Variants in CALCOCO1 observed in about 807,000 individuals in gnomAD.
The protein encoded by CALCOCO1 is calcium binding and coiled-coil domain 1.
CALCOCO1 carries 44 observed loss-of-function variants against 86.3 expected under a neutral mutation model. The ratio of observed to expected loss-of-function variants is 0.51; its 90% CI spans 0.40 to 0.66. The LOEUF is 0.66. Among genes scored for constraint, CALCOCO1 ranks in the 30% least tolerant of loss-of-function variants. The probability of loss-of-function intolerance (pLI) is 0.00; values close to 1 mark genes in which losing one functional copy is unlikely to be tolerated. For synonymous variants in CALCOCO1, 297 were observed against 327.6 expected, an observed-to-expected ratio of 0.91 and a Z score of 1.01; for missense variants, 708 against 851.1, an observed-to-expected ratio of 0.83 and a Z score of 2.09.
chr12:53,724,791 C>T (rs1945979719), intron 2 of CALCOCO1, 44 bp from the exon 3 acceptor site: 1 of 1,481,498 alleles, frequency 6.7e-7, no homozygotes, highest in Non-Finnish European at 9.3e-7. Context: ...CATGGAACTA[C>T]CTTCTATGGA....
In CALCOCO1 at chr12:53,714,590, G is replaced by A. The variant is rs1487133482; in HGVS notation, c.1482+8C>T. On this transcript the variant is annotated splice_region_variant and intron_variant, in intron 11 of 14. Coordinates refer to ENST00000550804, the MANE Select transcript of CALCOCO1 (RefSeq NM_020898.3). The stretch of plus-strand genomic sequence containing the variant: ...GGCATCCACGGGGCCTGGGTTATGG[G>A]TGCTCACCTGTTTCTCCTCCTGTAA... The A allele has an allele frequency of 6.2e-7, 1 of 1,610,896 alleles. No homozygotes were observed. Among genetic ancestry groups the A allele is most frequent in the Admixed American group, 1.7e-5 (1 of 60,024 alleles).
rs1593072660 is a variant in CALCOCO1, at chr12:53,711,577, C to G, written c.*367G>C. 3.4e-6 allele frequency: 1 copy of G among 290,748 alleles called. No homozygotes were observed. The highest frequency in any genetic ancestry group is 5.8e-5 in the East Asian group (1 of 17,170). 18.0% of individuals were successfully genotyped at this position (290,748 alleles called of 1,614,324 possible). ...CAGGAATTGGCTTTGGGGCATCAGA[C>G]AAGGGAGTGTGAGTGTGAGTGTGTG... On this transcript the variant is annotated 3_prime_UTR_variant, in exon 15 of 15. Coordinates refer to ENST00000550804, the MANE Select transcript of CALCOCO1 (RefSeq NM_020898.3).
In CALCOCO1 at chr12:53,719,790, C is replaced by G. The variant is rs998472670; in HGVS notation, c.798G>C (p.Glu266Asp). The change falls in exon 7 of 15, where the codon GAG becomes GAC. Residue 266 changes from glutamate (E) to aspartate (D), a missense_variant. Physicochemically the swap from Glu to Asp is conservative, Grantham distance 45 (BLOSUM62 2). Coordinates refer to ENST00000550804, the MANE Select transcript of CALCOCO1 (RefSeq NM_020898.3). ...CTTCTTTCAGTTGCCCAAGGAGCTT[C>G]TCTTGTTCCCGAGTCAGGGCCTTCA... ...DTVKALTREQ[E>D]KLLGQLKEVQ... is the part of the protein sequence containing the mutation. 3 of 1,613,836 alleles carry G rather than the reference C, an allele frequency of 1.9e-6. No individual in the cohort carries two copies. The highest frequency in any genetic ancestry group is 2.7e-5 in the African/African-American group (2 of 74,900).
rs1161990732 is a variant in CALCOCO1, at chr12:53,709,092, T to A, written c.*2852A>T. On this transcript the variant is annotated 3_prime_UTR_variant, in exon 15 of 15. Coordinates refer to ENST00000550804, the MANE Select transcript of CALCOCO1 (RefSeq NM_020898.3). ...TTTCACCACCAAATACTGACGCGAGTTCCTATTTGCTGCTACTTGGCTGAC... is the reference window on the plus strand; with the variant it reads ...TTTCACCACCAAATACTGACGCGAGATCCTATTTGCTGCTACTTGGCTGAC... 6.6e-6 allele frequency: 1 copy of A among 152,174 alleles called. No individual in the cohort carries two copies. Among genetic ancestry groups the A allele is most frequent in the African/African-American group, 2.4e-5 (1 of 41,430 alleles). 9.4% of individuals were successfully genotyped at this position (152,174 alleles called of 1,614,324 possible).
chr12:53,718,840 CTTTTTTT>C (rs35114054), intron 7 of CALCOCO1, among the ~76,000 whole-genome samples: 3 of 75,636 alleles, frequency 4.0e-5, no homozygotes, highest in African/African-American at 5.6e-5. Context: ...ATGGCCCTCC[CTTTTTTT>C]TTTTTTTTTT....
intron 1 of CALCOCO1, chr12:53,726,184 T>C (rs1593099272): frequency 6.6e-6 from 1 of 151,642 alleles, no homozygotes; most frequent in East Asian, 1.9e-4. Flanking sequence ...GGGAGATAGT[T>C]CAAAAAGAAC....
At position 53,721,541 on chromosome 12, in the gene CALCOCO1, T is replaced by C; in HGVS notation, c.684A>G (p.Ala228=). 1.2e-6 allele frequency: 2 copies of C among 1,613,846 alleles called. No individual in the cohort carries two copies. The highest frequency in any genetic ancestry group is 1.7e-6 in the Non-Finnish European group (2 of 1,179,874). The part of the protein sequence containing the change: ...ILSRQQGDHV[A]RILELEDDIQ... The stretch of plus-strand genomic sequence containing the variant: ...TGTCATCCTCTAGCTCCAGGATGCG[T>C]GCCACATGGTCTCCCTGTTGCCGGC... Residue 228 remains alanine, a synonymous_variant, in exon 6 of 15, where the codon GCA becomes GCG. Transcript: ENST00000550804.
chr12:53,715,502 G>A (rs542358538), intron 9 of CALCOCO1, among the ~76,000 whole-genome samples, 177 bp from the exon 10 acceptor site: 4 of 152,174 alleles, frequency 2.6e-5, no homozygotes, highest in South Asian at 2.1e-4. Context: ...AGGACATGAC[G>A]GCAGGTGCTG....
At chr12:53,719,953 C>T (rs1945824825) in intron 6 of CALCOCO1, 124 bp from the exon 7 acceptor site, 6 of 573,610 alleles carry the variant, frequency 1.0e-5, no homozygotes, top group Non-Finnish European at 1.9e-5. Context: ...CTCTGGGATG[C>T]ATAAATCCCC....
In CALCOCO1 at chr12:53,711,868, T is replaced by A. The variant is rs959358862; in HGVS notation, c.*76A>T. On this transcript the variant is annotated 3_prime_UTR_variant, in exon 15 of 15. Transcript: ENST00000550804. ...AGCCCAGTGTGATAGAAAATGGGCA[T>A]GAAACCTAAGTGTATGCATGTGTGT... 3.8e-6 allele frequency: 5 copies of A among 1,306,438 alleles called. No individual in the cohort carries two copies. Among genetic ancestry groups the A allele is most frequent in the Admixed American group, 3.1e-5 (1 of 31,822 alleles). The allele number at this position is 1,306,438 out of a possible 1,614,324, so 80.9% of individuals were successfully genotyped here. A position where few individuals can be genotyped will look rare whatever the true frequency, so the allele number is the denominator to read the frequency against.
In CALCOCO1 at chr12:53,712,064, T is replaced by C; in HGVS notation, c.1956A>G (p.Thr652=). The C allele has an allele frequency of 4.3e-6, 7 of 1,612,128 alleles. No individual in the cohort carries two copies. The highest frequency in any genetic ancestry group is 5.9e-6 in the Non-Finnish European group (7 of 1,179,136). Residue 652 remains threonine (T), a synonymous_variant, in exon 15 of 15, where the codon ACA becomes ACG. Coordinates refer to ENST00000550804, the MANE Select transcript of CALCOCO1 (RefSeq NM_020898.3). ...CCTTACAGATAGGACACTCCTTCCATGTGGGGGTGGCAGGGCCCCCAGTGC... is the reference window on the plus strand; with the variant it reads ...CCTTACAGATAGGACACTCCTTCCACGTGGGGGTGGCAGGGCCCCCAGTGC... ...ETSTGGPATP[T]WKECPICKER...
intron 10 of CALCOCO1, among the ~76,000 whole-genome samples, 192 bp downstream of exon 10, chr12:53,715,008 C>T (rs1353801974): frequency 6.6e-6 from 1 of 152,142 alleles, no homozygotes; most frequent in African/African-American, 2.4e-5. Context: ...CTCTACTGGG[C>T]CCAGATGTGT....
chr12:53,715,626 C>G lies in CALCOCO1; in HGVS notation c.1260+167G>C, dbSNP rs904616904. ...TGGGATACCCCGGTTAGGGATGGGT[C>G]ATGCCTAGAAAGTAAAGTGTACCTC... is the stretch of plus-strand genomic sequence containing the variant. On this transcript the variant is annotated intron_variant, in intron 9 of 14. Transcript: ENST00000550804. 3 of 912,370 alleles carry G rather than the reference C, an allele frequency of 3.3e-6. No individual in the cohort carries two copies. In the African/African-American group the frequency reaches 5.0e-5, roughly 15 times the overall value. The allele number at this position is 912,370 out of a possible 1,614,324, so 56.5% of individuals were successfully genotyped here.
chr12:53,716,369 T>C lies in CALCOCO1; in HGVS notation c.896A>G (p.Asp299Gly). The change falls in exon 8 of 15, where the codon GAC (aspartate) becomes GGC (glycine). Residue 299 changes from aspartate to glycine, a missense_variant. Coordinates refer to ENST00000550804, the MANE Select transcript of CALCOCO1 (RefSeq NM_020898.3). The part of the protein sequence containing the change: ...AQQENHHLNL[D>G]LKEAKSWQEE... Reference sequence around the variant, plus strand: ...TTGCCAGCTCTTCGCCTCCTTCAGGTCCAAATTTAAGTGATGGTTCTCCTG... The same window carrying C: ...TTGCCAGCTCTTCGCCTCCTTCAGGCCCAAATTTAAGTGATGGTTCTCCTG... 6.2e-7 allele frequency: 1 copy of C among 1,614,108 alleles called. No individual in the cohort carries two copies. Among genetic ancestry groups the C allele is most frequent in the South Asian group, 1.1e-5 (1 of 91,076 alleles).
In CALCOCO1 at chr12:53,709,428, A is replaced by G. The variant is rs181103525; in HGVS notation, c.*2516T>C. 1 of 152,392 alleles carries G rather than the reference A, an allele frequency of 6.6e-6. No individual in the cohort carries two copies. Among genetic ancestry groups the G allele is most frequent in the East Asian group, 1.9e-4 (1 of 5,164 alleles). 9.4% of individuals were successfully genotyped at this position (152,392 alleles called of 1,614,324 possible). On this transcript the variant is annotated 3_prime_UTR_variant, in exon 15 of 15. Transcript: ENST00000550804. Reference sequence around the variant, plus strand: ...TGGCCCCACATTTTGTGGCACCCCCAGTCTGAAACTGCAAATTGCATGCCA... The same window carrying G: ...TGGCCCCACATTTTGTGGCACCCCCGGTCTGAAACTGCAAATTGCATGCCA...
Position 53,725,255 on chromosome 12 carries a change from A to G in CALCOCO1, c.-13T>C. On this transcript the variant is annotated 5_prime_UTR_variant, in exon 2 of 15. Transcript: ENST00000550804. ...GTGATTCTTCCATCCTGGCCTTGAG[A>G]TATCTGTCCTCCTATGAAAGAAAGG... is the stretch of plus-strand genomic sequence containing the variant. 1 of 1,571,720 alleles carries G rather than the reference A, an allele frequency of 6.4e-7. No individual in the cohort carries two copies. Among genetic ancestry groups the G allele is most frequent in the Non-Finnish European group, 8.6e-7 (1 of 1,160,236 alleles).
In CALCOCO1 at chr12:53,722,017, G is replaced by T; in HGVS notation, c.609+8C>A. The T allele has an allele frequency of 1.2e-6, 2 of 1,612,218 alleles. No individual in the cohort carries two copies. The highest frequency in any genetic ancestry group is 2.2e-5 in the East Asian group (1 of 44,880). ...CAGGCCCTGTCCCCTACCTGGCCCA[G>T]CTCCCACCTTGTACTGTTCCATCAG... On this transcript the variant is annotated splice_region_variant and intron_variant, in intron 5 of 14. Transcript: ENST00000550804.
At chr12:53,714,561 C>G in intron 11 of CALCOCO1, 37 bp downstream of exon 11, 1 of 1,493,750 alleles carries the variant, frequency 6.7e-7, no homozygotes, top group Non-Finnish European at 9.3e-7. Flanking sequence ...AAGTCCTCAC[C>G]TGTGGCATCC....
chr12:53,719,842 G>A lies in CALCOCO1; in HGVS notation c.759-13C>T, dbSNP rs377408516. The A allele has an allele frequency of 1.1e-5, 17 of 1,587,258 alleles. No homozygotes were observed. The highest frequency in any genetic ancestry group is 1.7e-4 in the Middle Eastern group (1 of 6,036). ...TGTGTCTCTAAGCCTGTGATTGGTG[G>A]GATGACATGTCAGACAATCTGCTCC... On this transcript the variant is annotated splice_polypyrimidine_tract_variant and intron_variant, in intron 6 of 14. Transcript: ENST00000550804.
Sources: allele counts gnomAD v4.1 joint callset (sites outside exome capture counted in the v4.1 genomes callset), GRCh38; gene constraint gnomAD v4.1.1; transcripts MANE v1.5; gene names NCBI Gene and HGNC (gene_info 2026-07-23, HGNC 2026-07-21).